PKD1: variants seen among roughly 807,000 people sequenced by gnomAD.
The protein encoded by PKD1 is polycystin 1, transient receptor potential channel interacting.
Under a neutral mutation model 361.7 loss-of-function variants are expected in PKD1, and 81 were observed. The observed-to-expected ratio is 0.22, with a 90% confidence interval of 0.19 to 0.27. The LOEUF (loss-of-function observed/expected upper bound fraction) is 0.27. PKD1 is among the 10% of genes least tolerant of loss of function. The pLI, the probability that PKD1 is intolerant of heterozygous loss-of-function variation, is 1.00. For synonymous variants in PKD1, 3,615 were observed against 2,818.3 expected (o/e 1.28, Z -8.95); for missense variants, 6,399 against 6,118.3 (o/e 1.05, Z -1.53).
Position 2,091,023 on chromosome 16 carries a change from T to G in PKD1, c.11864A>C (p.Gln3955Pro). 1 of 1,532,442 alleles carries G rather than the reference T, an allele frequency of 6.5e-7. No individual in the cohort carries two copies. Among genetic ancestry groups the G allele is most frequent in the Non-Finnish European group, 8.7e-7 (1 of 1,145,060 alleles). 94.9% of individuals were successfully genotyped at this position (1,532,442 alleles called of 1,614,324 possible). A position where few individuals can be genotyped will look rare whatever the true frequency, so the allele number is the denominator to read the frequency against. ...TAATALVRLA[Q>P]LGAADRQWTR... ...CCACTGGCGGTCAGCGGCACCCAGCTGGGCGAGGCGTACCAGTGCCGTGGC... is the reference window on the plus strand; with the variant it reads ...CCACTGGCGGTCAGCGGCACCCAGCGGGGCGAGGCGTACCAGTGCCGTGGC... Residue 3955 changes from glutamine (Q) to proline (P), a missense_variant, in exon 43 of 46, where the codon CAG becomes CCG. Transcript: ENST00000262304.
At chr16:2,103,026 C>A (rs562879390) in intron 23 of PKD1, 56 bp from the exon 24 acceptor site, 13 of 1,573,702 alleles carry the variant, frequency 8.3e-6, no homozygotes, top group African/African-American at 1.3e-5. Flanking sequence ...ACCCGGGGGA[C>A]ACCCACGATG....
rs1567191874 is a variant in PKD1, at chr16:2,108,511, G to A, written c.6656C>T (p.Pro2219Leu). 1 of 1,608,680 alleles carries A rather than the reference G, an allele frequency of 6.2e-7. No individual in the cohort carries two copies. The highest frequency in any genetic ancestry group is 1.7e-5 in the Admixed American group (1 of 59,978). Reference protein sequence around the residue: ...VDVSRPRLVLPRLALPVGHYC... With the variant: ...VDVSRPRLVLLRLALPVGHYC... Reference sequence around the variant, plus strand: ...GTGCCCCACAGGCAGCGCCAGCCGCGGCAGCACCAGCCGAGGCCGGCTCAC... The same window carrying A: ...GTGCCCCACAGGCAGCGCCAGCCGCAGCAGCACCAGCCGAGGCCGGCTCAC... Residue 2219 changes from proline to leucine, a missense_variant, in exon 15 of 46, where the codon CCG (proline) becomes CTG (leucine). Physicochemically the swap from Pro to Leu is moderately conservative, Grantham distance 98. Transcript: ENST00000262304.
Position 2,097,713 on chromosome 16 carries a change from C to T in PKD1, c.10220+15G>A. The T allele has an allele frequency of 6.2e-7, 1 of 1,611,044 alleles. No individual in the cohort carries two copies. The highest frequency in any genetic ancestry group is 8.5e-7 in the Non-Finnish European group (1 of 1,179,806). ...TGACCTGCACCAGGGCTCGAGGTTTCTCTAGGGAACCCACCTCTTAGAATC... is the reference window on the plus strand; with the variant it reads ...TGACCTGCACCAGGGCTCGAGGTTTTTCTAGGGAACCCACCTCTTAGAATC... On this transcript the variant is annotated intron_variant, in intron 32 of 45. Transcript: ENST00000262304.
intron 1 of PKD1, among the ~76,000 whole-genome samples, chr16:2,124,992 G>A (rs920244143): frequency 6.6e-6 from 1 of 152,176 alleles, no homozygotes; most frequent in African/African-American, 2.4e-5. Flanking sequence ...CCCAGGGTGA[G>A]GAAATGGGCT....
chr16:2,111,876 G>A lies in PKD1; in HGVS notation c.3296-5C>T. On this transcript the variant is annotated splice_polypyrimidine_tract_variant and splice_region_variant and intron_variant, in intron 14 of 45. Transcript: ENST00000262304. The stretch of plus-strand genomic sequence containing the variant: ...GCACGGTCAGGAGGTACTCACCTGT[G>A]GGGACAGGCCCGAGTGGGGCAGCCG... 1 of 1,610,076 alleles carries A rather than the reference G, an allele frequency of 6.2e-7. No individual in the cohort carries two copies. Among genetic ancestry groups the A allele is most frequent in the Non-Finnish European group, 8.5e-7 (1 of 1,179,474 alleles).
chr16:2,090,270 C>T lies in PKD1; in HGVS notation c.12444+15G>A. The T allele has an allele frequency of 6.2e-7, 1 of 1,607,676 alleles. No individual in the cohort carries two copies. Among genetic ancestry groups the T allele is most frequent in the Middle Eastern group, 1.7e-4 (1 of 6,042 alleles). ...CCAGGGCGTGTCCCTCTCCCCCCCA[C>T]TGGGCCGTACCCACCTCCTTGACCT... On this transcript the variant is annotated intron_variant, in intron 45 of 45. Transcript: ENST00000262304.
intron 34 of PKD1, 44 bp downstream of exon 34, chr16:2,097,104 C>G (rs1008279996): frequency 6.9e-7 from 1 of 1,456,194 alleles, no homozygotes; most frequent in Non-Finnish European, 9.4e-7. Context: ...GAGTCCCGGC[C>G]CCTCCTCTGG....
chr16:2,093,420 A>G, intron 37 of PKD1, 124 bp downstream of exon 37: 1 of 924,092 alleles, frequency 1.1e-6, no homozygotes, highest in Non-Finnish European at 1.6e-6. Context: ...AAGGCTGCAG[A>G]GCATTGAACC....
rs1243308807 is a variant in PKD1, at chr16:2,092,747, A to AGACAGTTGTCTGTCATGGGCCC, written c.11157-177_11157-156dup. The AGACAGTTGTCTGTCATGGGCCC allele has an allele frequency of 2.0e-4, 163 of 832,620 alleles. No homozygotes were observed. In the Middle Eastern group the frequency reaches 3.5e-3, roughly 18 times the overall value. The allele number at this position is 832,620 out of a possible 1,614,324, so 51.6% of individuals were successfully genotyped here. The stretch of plus-strand genomic sequence containing the variant: ...CCTTATCCTGGGGATGTTCTGGGGC[A>AGACAGTTGTCTGTCATGGGCCC]GACAGTTGTCTGTCATGGGCCCGTC... On this transcript the variant is annotated intron_variant, in intron 38 of 45. Coordinates refer to ENST00000262304, the MANE Select transcript of PKD1 (RefSeq NM_001009944.3).
At chr16:2,128,407 G>A (rs991724114) in intron 1 of PKD1, among the ~76,000 whole-genome samples, 3 of 150,992 alleles carry the variant, frequency 2.0e-5, no homozygotes, top group African/African-American at 4.9e-5. Context: ...CAGCCCCTCG[G>A]GGAGTGCAAG....
rs774210911 is a variant in PKD1 at position 2,090,276 on chromosome 16, C to A, written c.12444+9G>T. On this transcript the variant is annotated intron_variant, in intron 45 of 45. Coordinates refer to ENST00000262304, the MANE Select transcript of PKD1 (RefSeq NM_001009944.3). ...CGTGTCCCTCTCCCCCCCACTGGGC[C>A]GTACCCACCTCCTTGACCTTGCTGA... 5 of 1,608,722 alleles carry A rather than the reference C, an allele frequency of 3.1e-6. No individual in the cohort carries two copies. Among genetic ancestry groups the A allele is most frequent in the Non-Finnish European group, 4.2e-6 (5 of 1,177,366 alleles).
intron 1 of PKD1, among the ~76,000 whole-genome samples, chr16:2,128,616 G>A (rs968558102): frequency 8.5e-5 from 13 of 152,302 alleles, no homozygotes; most frequent in Admixed American, 4.6e-4. Flanking sequence ...CAACCCTGCG[G>A]TGCCGTGATG....
intron 26 of PKD1, among the ~76,000 whole-genome samples, chr16:2,101,033 T>A (rs1216184992): frequency 6.6e-6 from 1 of 152,014 alleles, no homozygotes; most frequent in East Asian, 1.9e-4. Flanking sequence ...TCACCCAGGC[T>A]GGAGTGCAGT....
chr16:2,117,464 C>G (rs1436072509), intron 6 of PKD1, 25 bp downstream of exon 6: 2 of 1,416,726 alleles, frequency 1.4e-6, no homozygotes, highest in Non-Finnish European at 1.9e-6. Flanking sequence ...CAACCTATGG[C>G]CCCTCGGGGG....
rs1213439869 is a variant in PKD1, at chr16:2,099,857, C to T, written c.9923+4G>A. On this transcript the variant is annotated splice_donor_region_variant and intron_variant, in intron 29 of 45. Coordinates refer to ENST00000262304, the MANE Select transcript of PKD1 (RefSeq NM_001009944.3). ...GAGGCTGCCCCGACCCCTACGGCACCCACCTGTAGGCAGAGTCGCCAACAG... is the reference window on the plus strand; with the variant it reads ...GAGGCTGCCCCGACCCCTACGGCACTCACCTGTAGGCAGAGTCGCCAACAG... The T allele has an allele frequency of 1.8e-5, 28 of 1,565,296 alleles. No homozygotes were observed. Among genetic ancestry groups the T allele is most frequent in the Non-Finnish European group, 2.3e-5 (27 of 1,156,260 alleles).
chr16:2,118,277 T>G lies in PKD1; in HGVS notation c.715A>C (p.Ser239Arg), dbSNP rs1371844686. 2.0e-6 allele frequency: 3 copies of G among 1,532,418 alleles called. No individual in the cohort carries two copies. Among genetic ancestry groups the G allele is most frequent in the Non-Finnish European group, 2.6e-6 (3 of 1,144,768 alleles). The allele number at this position is 1,532,418 out of a possible 1,614,324, so 94.9% of individuals were successfully genotyped here. A position where few individuals can be genotyped will look rare whatever the true frequency, so the allele number is the denominator to read the frequency against. Residue 239 changes from serine (S) to arginine (R), a missense_variant, in exon 5 of 46, where the codon AGT becomes CGT. Transcript: ENST00000262304. The surrounding 1 kb of genome is among the most constrained non-coding windows in gnomAD (Gnocchi z 6.0). ...AGGGACAGGCAGGCAAAGGAGGCAC[T>G]GGAGGGCTGGGCCGCCCCACACAGG... ...WCLCGAAQPSSASFACLSLCS... is the reference protein window; with the variant it reads ...WCLCGAAQPSRASFACLSLCS...
At chr16:2,105,720 G>A (rs1415544154) in intron 20 of PKD1, 145 bp downstream of exon 20, 12 of 1,282,116 alleles carry the variant, frequency 9.4e-6, no homozygotes, top group East Asian at 2.5e-5. Context: ...GCTGGGAGCG[G>A]AAGGTCGGGG....
rs1358515810 is a variant in PKD1, at chr16:2,091,613, G to A, written c.11538-16C>T. The A allele has an allele frequency of 5.8e-6, 9 of 1,561,514 alleles. No individual in the cohort carries two copies. In the Admixed American group the frequency reaches 7.3e-5, roughly 13 times the overall value. The stretch of plus-strand genomic sequence containing the variant: ...AGCGCGGCTCCTGCGCAGAGGGTGC[G>A]GGTCAGTAGGAGCGGGTGGCAGGGC... On this transcript the variant is annotated splice_polypyrimidine_tract_variant and intron_variant, in intron 41 of 45. Transcript: ENST00000262304.
chr16:2,127,868 G>A (rs1220745291), intron 1 of PKD1, among the ~76,000 whole-genome samples: 8 of 145,802 alleles, frequency 5.5e-5, no homozygotes, highest in Non-Finnish European at 1.2e-4. Context: ...AACTGAACAG[G>A]AAACTAGAGA....
Sources: allele counts gnomAD v4.1 joint callset (sites outside exome capture counted in the v4.1 genomes callset), GRCh38; gene constraint gnomAD v4.1.1; non-coding constraint Gnocchi (gnomAD v3.1); transcripts MANE v1.5; gene names NCBI Gene and HGNC (gene_info 2026-07-23, HGNC 2026-07-21).